AFF3: variants seen among roughly 807,000 people sequenced by gnomAD.
AFF3 encodes the protein ALF transcription elongation factor 3.
Under a neutral mutation model 129.7 loss-of-function variants are expected in AFF3, and 32 were observed. The observed-to-expected ratio is 0.25, with a 90% confidence interval of 0.19 to 0.33. AFF3 has a LOEUF of 0.33. Among genes scored for constraint, AFF3 ranks in the 10% least tolerant of loss-of-function variants. AFF3 has a pLI of 1.00. For synonymous variants in AFF3, 644 were observed against 635.4 expected, an observed-to-expected ratio of 1.01 and a Z score of -0.20; for missense variants, 1,373 against 1,592.0, an observed-to-expected ratio of 0.86 and a Z score of 2.34.
At chr2:99,918,785 G>T (rs1695656097) in intron 7 of AFF3, among the ~76,000 whole-genome samples, 1 of 152,144 alleles carries the variant, frequency 6.6e-6, no homozygotes, top group Non-Finnish European at 1.5e-5. Flanking sequence ...ACCTTTCATA[G>T]GTTTTAATCT....
At chr2:100,063,053 C>T (rs1174200878) in intron 4 of AFF3, among the ~76,000 whole-genome samples, 2 of 152,022 alleles carry the variant, frequency 1.3e-5, no homozygotes, top group African/African-American at 2.4e-5. Flanking sequence ...GAGTTCAGGA[C>T]CAGCCTGGCC....
chr2:99,571,219 G>T (rs74910056), intron 18 of AFF3, among the ~76,000 whole-genome samples: 3,816 of 152,248 alleles, frequency 0.025, 166 homozygotes, highest in African/African-American at 0.088. Flanking sequence ...CAATGAGCCA[G>T]AGAGTGTCTC....
At chr2:99,730,761 A>C (rs2082040) in intron 10 of AFF3, among the ~76,000 whole-genome samples, 102,330 of 151,870 alleles carry the variant, frequency 0.67, 35,429 homozygotes, top group African/African-American at 0.83. Context: ...GATCTGCCTG[A>C]CTTAGCCTCC....
chr2:99,686,214 G>A (rs1372563455), intron 11 of AFF3, among the ~76,000 whole-genome samples: 1 of 152,052 alleles, frequency 6.6e-6, no homozygotes, highest in Non-Finnish European at 1.5e-5. Context: ...CAGGATCCCA[G>A]TCCAATGCAG....
At chr2:99,785,007 T>C (rs62150115) in intron 8 of AFF3, among the ~76,000 whole-genome samples, 1,690 of 152,332 alleles carry the variant, frequency 0.011, 8 homozygotes, top group Middle Eastern at 0.02. Flanking sequence ...TTTTAAACCA[T>C]TGCATGTTGC....
chr2:100,070,845 T>C (rs1253347154), intron 4 of AFF3, among the ~76,000 whole-genome samples: 2 of 144,182 alleles, frequency 1.4e-5, no homozygotes, highest in African/African-American at 5.4e-5. Flanking sequence ...AAAGATCTAC[T>C]CCCTGAAGAC....
chr2:99,820,160 G>A (rs6707469), intron 8 of AFF3, among the ~76,000 whole-genome samples: 11,581 of 152,104 alleles, frequency 0.076, 1,468 homozygotes, highest in African/African-American at 0.26. Context: ...TGAATTCGTC[G>A]TTGTGCAAGC....
At chr2:100,118,070 C>T (rs1398477324) in intron 2 of AFF3, among the ~76,000 whole-genome samples, 1 of 152,170 alleles carries the variant, frequency 6.6e-6, no homozygotes, top group African/African-American at 2.4e-5. Flanking sequence ...AAAAGTGATC[C>T]TAAACACCAC....
At chr2:100,129,342 A>G (rs879822110) in intron 1 of AFF3, 36 bp from the exon 2 acceptor site, 2 of 151,684 alleles carry the variant, frequency 1.3e-5, no homozygotes, top group Admixed American at 6.6e-5. Context: ...TTAGGCAAAA[A>G]CATCAGTTTA....
At chr2:100,111,301 C>T (rs970098312) in intron 2 of AFF3, among the ~76,000 whole-genome samples, 13 of 152,238 alleles carry the variant, frequency 8.5e-5, no homozygotes, top group Admixed American at 7.9e-4. Flanking sequence ...AGCCTATATG[C>T]CCCAATGGGG....
intron 7 of AFF3, among the ~76,000 whole-genome samples, chr2:99,845,295 G>C (rs894398553): frequency 1.3e-5 from 2 of 152,150 alleles, no homozygotes; most frequent in South Asian, 4.1e-4. Context: ...CTAGGACAAG[G>C]TATTTCAATT....
At chr2:100,032,260 T>C (rs1684554162) in intron 4 of AFF3, among the ~76,000 whole-genome samples, 1 of 152,098 alleles carries the variant, frequency 6.6e-6, no homozygotes, top group Non-Finnish European at 1.5e-5. Flanking sequence ...ACCCCGTCTC[T>C]ACTAAAAATA....
intron 22 of AFF3, among the ~76,000 whole-genome samples, chr2:99,555,693 G>A (rs1308048144): frequency 6.6e-6 from 1 of 152,202 alleles, no homozygotes; most frequent in African/African-American, 2.4e-5. Context: ...TCCCCTTCCA[G>A]AGACAAGAAA....
intron 7 of AFF3, among the ~76,000 whole-genome samples, chr2:99,889,053 G>T (rs1045322868): frequency 6.6e-6 from 1 of 152,178 alleles, no homozygotes; most frequent in Admixed American, 6.5e-5. Context: ...TAAAACCTAG[G>T]AGGAGGACAG....
intron 4 of AFF3, among the ~76,000 whole-genome samples, chr2:100,033,459 T>G (rs1684674820): frequency 6.6e-6 from 1 of 152,212 alleles, no homozygotes; most frequent in Non-Finnish European, 1.5e-5. Flanking sequence ...TCTGAGTTAC[T>G]TGCAACTCTC....
chr2:100,007,069 T>C (rs749873485), intron 6 of AFF3, 52 bp from the exon 7 acceptor site: 14 of 1,587,856 alleles, frequency 8.8e-6, no homozygotes, highest in Admixed American at 7.2e-5. Flanking sequence ...GGTCGACACA[T>C]AGGGATTTTC....
At chr2:99,658,946 T>C (rs532916224) in intron 12 of AFF3, among the ~76,000 whole-genome samples, 42 of 152,266 alleles carry the variant, frequency 2.8e-4, no homozygotes, top group African/African-American at 9.9e-4. Flanking sequence ...CTTAGACAAG[T>C]GTTGGCAAAG....
chr2:99,910,282 A>T (rs532309222), intron 7 of AFF3, among the ~76,000 whole-genome samples: 3 of 152,194 alleles, frequency 2.0e-5, no homozygotes, highest in Non-Finnish European at 2.9e-5. Context: ...TTTATTCACT[A>T]AGCATTGGTA....
intron 17 of AFF3, among the ~76,000 whole-genome samples, 160 bp from the exon 18 acceptor site, chr2:99,578,611 C>T (rs931053883): frequency 4.6e-5 from 7 of 152,278 alleles, no homozygotes; most frequent in South Asian, 2.1e-4. Flanking sequence ...GAAATACATG[C>T]ATTCTAGGTA....
Sources: allele counts gnomAD v4.1 joint callset (sites outside exome capture counted in the v4.1 genomes callset), GRCh38; gene constraint gnomAD v4.1.1; transcripts MANE v1.5; gene names NCBI Gene and HGNC (gene_info 2026-07-23, HGNC 2026-07-21).